CDC14B: variants seen among roughly 807,000 people sequenced by gnomAD.
CDC14B encodes cell division cycle 14B.
A neutral mutation model predicts 64.2 loss-of-function variants in CDC14B; 22 were observed. That is an observed-to-expected ratio of 0.34 (90% CI 0.24 to 0.49). The LOEUF (loss-of-function observed/expected upper bound fraction) is 0.49. Ranked by LOEUF, CDC14B falls within the 20% of genes least tolerant of loss-of-function variation. CDC14B has a pLI of 0.99. For synonymous variants in CDC14B, 191 were observed against 215.8 expected, an observed-to-expected ratio of 0.89 and a Z score of 1.01; for missense variants, 498 against 629.9, an observed-to-expected ratio of 0.79 and a Z score of 2.24.
chr9:96,514,820 G>C (rs754755391), intron 12 of CDC14B: 2 of 985,364 alleles, frequency 2.0e-6, no homozygotes, highest in East Asian at 1.1e-4. Context: ...TGTTCCACAA[G>C]TGGGCCTCTT....
intron 4 of CDC14B, among the ~76,000 whole-genome samples, chr9:96,555,148 C>A (rs984388388): frequency 2.6e-5 from 4 of 152,174 alleles, no homozygotes; most frequent in African/African-American, 9.7e-5. Flanking sequence ...GCATTTCCAC[C>A]CTTGTGTGGT....
In CDC14B at chr9:96,535,211, G is replaced by A. The variant is rs2131745648; in HGVS notation, c.628-669C>T. Among the ~76,000 whole-genome samples the A allele has an allele frequency of 2.6e-5, 4 of 152,314 alleles. 1 individual carries two copies. The highest frequency in any genetic ancestry group is 9.6e-5 in the African/African-American group (4 of 41,570). ...AATCCCAGCTACTCGGGAGGCTGAGGCAGGAGAATTGCTTGAACCCAGGAG... is the reference window on the plus strand; with the variant it reads ...AATCCCAGCTACTCGGGAGGCTGAGACAGGAGAATTGCTTGAACCCAGGAG... On this transcript the variant is annotated intron_variant, in intron 7 of 13. Coordinates refer to ENST00000375241, the MANE Select transcript of CDC14B (RefSeq NM_033331.4).
chr9:96,499,858 C>T (rs974277333), downstream of CDC14B, among the ~76,000 whole-genome samples: 5 of 152,158 alleles, frequency 3.3e-5, no homozygotes, highest in African/African-American at 9.7e-5. Flanking sequence ...AGAGGCCCTG[C>T]GAGGAGGCAG....
chr9:96,584,597 ATAAG>A (rs959131108), intron 1 of CDC14B, among the ~76,000 whole-genome samples: 10 of 152,232 alleles, frequency 6.6e-5, no homozygotes, highest in Admixed American at 2.0e-4. Flanking sequence ...GGGAAAAAAG[ATAAG>A]TAAGTGTCTA....
chr9:96,493,806 CAG>C (rs1261692872), intron 13 of CDC14B, among the ~76,000 whole-genome samples: 2 of 152,168 alleles, frequency 1.3e-5, no homozygotes, highest in African/African-American at 4.8e-5. Flanking sequence ...GCCTGGGTGA[CAG>C]AGAAAAACTT....
chr9:96,568,127 GAA>G (rs57854597), intron 1 of CDC14B, among the ~76,000 whole-genome samples: 3,302 of 152,250 alleles, frequency 0.022, 116 homozygotes, highest in African/African-American at 0.075. Flanking sequence ...GTTTTCTATA[GAA>G]AAGTGTTACT....
At chr9:96,530,381 C>G (rs1838269412) in intron 9 of CDC14B, among the ~76,000 whole-genome samples, 1 of 151,442 alleles carries the variant, frequency 6.6e-6, no homozygotes, top group South Asian at 2.1e-4. Context: ...CAACCTCCAC[C>G]TCCCAGATTC....
chr9:96,568,568 G>A (rs920840189), intron 1 of CDC14B, among the ~76,000 whole-genome samples: 1 of 152,148 alleles, frequency 6.6e-6, no homozygotes, highest in African/African-American at 2.4e-5. Flanking sequence ...TATAAACTGG[G>A]CCACCTCCAT....
At chr9:96,563,938 T>G (rs1843582709) in intron 3 of CDC14B, among the ~76,000 whole-genome samples, 1 of 152,178 alleles carries the variant, frequency 6.6e-6, no homozygotes, top group Non-Finnish European at 1.5e-5. Flanking sequence ...AAGAAGAGTC[T>G]CCAGCTCTGT....
chr9:96,512,217 A>G (rs916448838), intron 12 of CDC14B, among the ~76,000 whole-genome samples: 1 of 151,938 alleles, frequency 6.6e-6, no homozygotes, highest in Non-Finnish European at 1.5e-5. Context: ...TGTATAAAAA[A>G]AAAAAAGAAG....
At chr9:96,589,163 C>T (rs1017312510) in intron 1 of CDC14B, among the ~76,000 whole-genome samples, 1 of 151,672 alleles carries the variant, frequency 6.6e-6, no homozygotes, top group Non-Finnish European at 1.5e-5. Flanking sequence ...CAGTGAAACC[C>T]TATCTCTACT....
At chr9:96,562,432 C>T in intron 4 of CDC14B, 2 of 401,372 alleles carry the variant, frequency 5.0e-6, no homozygotes, top group Non-Finnish European at 9.0e-6. Flanking sequence ...TAGTTGGGCA[C>T]TTTTTAAAAA....
chr9:96,574,545 T>C (rs184281314), intron 1 of CDC14B, among the ~76,000 whole-genome samples: 95 of 152,006 alleles, frequency 6.2e-4, no homozygotes, highest in Admixed American at 5.8e-3. Flanking sequence ...GGATTTCTTT[T>C]TTACTCAAAA....
intron 3 of CDC14B, among the ~76,000 whole-genome samples, chr9:96,564,084 G>A (rs1232407917): frequency 1.3e-5 from 2 of 151,716 alleles, no homozygotes; most frequent in African/African-American, 2.4e-5. Flanking sequence ...TTAAGTGCCT[G>A]TCCCAAAAAG....
chr9:96,575,585 T>C lies in CDC14B; in HGVS notation c.161-10102A>G, dbSNP rs941859069. The stretch of plus-strand genomic sequence containing the variant: ...CAAGCCACCCAATAGCAAGAAGATA[T>C]ATTAAGGCAAACAAAACAGAATAAG... On this transcript the variant is annotated intron_variant, in intron 1 of 13. Transcript: ENST00000375241. Among the ~76,000 whole-genome samples, 8 of 152,208 alleles carry C rather than the reference T, an allele frequency of 5.3e-5. No individual in the cohort carries two copies. The East Asian group carries it at 1.4e-3, about 26-fold the overall frequency.
chr9:96,504,005 G>C (rs1833790046), intron 13 of CDC14B, among the ~76,000 whole-genome samples: 1 of 152,000 alleles, frequency 6.6e-6, no homozygotes, highest in African/African-American at 2.4e-5. Context: ...AAAAGGCTCA[G>C]TTCTGCAAAA....
intron 1 of CDC14B, among the ~76,000 whole-genome samples, chr9:96,589,681 G>A (rs61451878): frequency 1.0e-3 from 154 of 152,104 alleles, no homozygotes; most frequent in African/African-American, 3.2e-3. Context: ...TTTTTAGGCC[G>A]GGCACGGTGG....
At chr9:96,526,224 C>G (rs566009658) in intron 9 of CDC14B, among the ~76,000 whole-genome samples, 1 of 152,028 alleles carries the variant, frequency 6.6e-6, no homozygotes, top group Non-Finnish European at 1.5e-5. Context: ...AAAAATTAGC[C>G]GGGCGTGGTG....
intron 12 of CDC14B, among the ~76,000 whole-genome samples, chr9:96,513,216 T>C (rs947288982): frequency 6.6e-6 from 1 of 152,176 alleles, no homozygotes. Context: ...AGAACTTGAG[T>C]GTATTAACCA....
Sources: gnomAD v4.1 joint callset for allele counts (sites outside exome capture counted in the v4.1 genomes callset) on GRCh38, gnomAD v4.1.1 for gene constraint, MANE v1.5 for transcripts, NCBI Gene and HGNC (gene_info 2026-07-23, HGNC 2026-07-21) for gene names.